The following CLASP1 variants were observed in gnomAD, a reference collection of about 807,000 sequenced individuals.
The protein encoded by CLASP1 is CLIP-associating protein 1.
In CLASP1, 38 loss-of-function variants were observed where a neutral mutation model predicts 192.3. That is an observed-to-expected ratio of 0.20 (90% CI 0.15 to 0.26). The LOEUF is 0.26. CLASP1 is among the 10% of genes least tolerant of loss of function. The probability of loss-of-function intolerance (pLI) is 1.00; values close to 1 mark genes in which losing one functional copy is unlikely to be tolerated. For missense variants in CLASP1, 1,433 were observed against 1,932.5 expected (o/e 0.74, Z 4.85); for synonymous variants, 691 against 712.8 (o/e 0.97, Z 0.49).
intron 26 of CLASP1, chr2:121,403,342 A>G (rs986603393): frequency 4.4e-6 from 2 of 453,718 alleles, no homozygotes; most frequent in African/African-American, 4.0e-5. Context: ...GCAGGTACTC[A>G]GTAAATGTTA....
At chr2:121,373,746 G>A (rs181473556) in intron 34 of CLASP1, among the ~76,000 whole-genome samples, 2 of 152,238 alleles carry the variant, frequency 1.3e-5, no homozygotes, top group African/African-American at 4.8e-5. Flanking sequence ...TTGAAGTTGA[G>A]AGAGATGATT....
intron 2 of CLASP1, among the ~76,000 whole-genome samples, chr2:121,565,573 C>A (rs2059430558): frequency 6.6e-6 from 1 of 152,242 alleles, no homozygotes; most frequent in Non-Finnish European, 1.5e-5. Flanking sequence ...CACTTTCCCA[C>A]TGAACTTGCT....
At chr2:121,590,853 T>C (rs2062304273) in intron 2 of CLASP1, among the ~76,000 whole-genome samples, 1 of 150,602 alleles carries the variant, frequency 6.6e-6, no homozygotes. Context: ...TAAATGTTCT[T>C]CAAAAATTAT....
At chr2:121,340,373 T>TA (rs1290288858) in exon 40 of CLASP1, 1 of 153,990 alleles carries the variant, frequency 6.5e-6, no homozygotes, top group Non-Finnish European at 1.4e-5. Flanking sequence ...GAACACAACT[T>TA]AAAGATATAT....
At chr2:121,361,514 T>C (rs2066404048) in intron 37 of CLASP1, among the ~76,000 whole-genome samples, 1 of 152,238 alleles carries the variant, frequency 6.6e-6, no homozygotes. Context: ...TAGGACAAGC[T>C]TGTCCAACCC....
At chr2:121,533,705 C>T (rs1019105011) in intron 2 of CLASP1, among the ~76,000 whole-genome samples, 1 of 152,176 alleles carries the variant, frequency 6.6e-6, no homozygotes, top group Non-Finnish European at 1.5e-5. Flanking sequence ...ATTAACTCTG[C>T]GTGACCCTTG....
chr2:121,649,080 A>T (rs2106403323), intron 1 of CLASP1, among the ~76,000 whole-genome samples: 1 of 152,182 alleles, frequency 6.6e-6, no homozygotes, highest in East Asian at 1.9e-4. Context: ...TGGGGTCTGG[A>T]AAAGGGAAAC....
chr2:121,393,291 A>G (rs2074692220), intron 30 of CLASP1, among the ~76,000 whole-genome samples: 1 of 152,226 alleles, frequency 6.6e-6, no homozygotes, highest in Non-Finnish European at 1.5e-5. Context: ...GGACATTCAC[A>G]GAAGAACTTG....
At chr2:121,610,557 AGAG>A (rs2065165736) in intron 1 of CLASP1, among the ~76,000 whole-genome samples, 1 of 71,772 alleles carries the variant, frequency 1.4e-5, no homozygotes, top group African/African-American at 5.4e-5. Flanking sequence ...TGGAGGAGGA[AGAG>A]GAGTTACAGG....
At chr2:121,359,637 C>A (rs1481653013) in intron 37 of CLASP1, among the ~76,000 whole-genome samples, 1 of 152,128 alleles carries the variant, frequency 6.6e-6, no homozygotes, top group African/African-American at 2.4e-5. Context: ...CTACTGCAAA[C>A]CACGGTAACT....
chr2:121,512,420 G>C (rs2094164995), intron 7 of CLASP1, among the ~76,000 whole-genome samples: 1 of 152,170 alleles, frequency 6.6e-6, no homozygotes, highest in Non-Finnish European at 1.5e-5. Flanking sequence ...TCTTATGATG[G>C]CTAGAAGTTA....
chr2:121,526,089 C>T, intron 5 of CLASP1, 169 bp from the exon 6 acceptor site: 1 of 615,328 alleles, frequency 1.6e-6, no homozygotes, highest in Non-Finnish European at 2.9e-6. Context: ...TGTCCGATGG[C>T]CCCTTTGCAC....
At chr2:121,508,065 A>T (rs2093997613) in intron 7 of CLASP1, among the ~76,000 whole-genome samples, 1 of 152,126 alleles carries the variant, frequency 6.6e-6, no homozygotes, top group Non-Finnish European at 1.5e-5. Context: ...AAAAAAAGTA[A>T]AAATAACTAC....
In CLASP1 at chr2:121,530,231, A is replaced by G. The variant is rs2094733461; in HGVS notation, c.274+16T>C. On this transcript the variant is annotated intron_variant, in intron 3 of 39. Coordinates refer to ENST00000263710, the Ensembl canonical transcript of CLASP1. Reference sequence around the variant, plus strand: ...TCTGAAGGGGCCGGGTCCGCTCCACAAGTGCCGCAGCTCACCTGTGCCGAT... The same window carrying G: ...TCTGAAGGGGCCGGGTCCGCTCCACGAGTGCCGCAGCTCACCTGTGCCGAT... 1 of 1,545,322 alleles carries G rather than the reference A, an allele frequency of 6.5e-7. No homozygotes were observed. The highest frequency in any genetic ancestry group is 2.5e-5 in the East Asian group (1 of 40,602).
intron 34 of CLASP1, among the ~76,000 whole-genome samples, chr2:121,373,223 G>GCT (rs890735887): frequency 6.6e-6 from 1 of 151,956 alleles, no homozygotes; most frequent in African/African-American, 2.4e-5. Context: ...TTCCCCCTTC[G>GCT]CTCTCTCTCT....
At chr2:121,453,580 A>G (rs1217955640) in intron 14 of CLASP1, among the ~76,000 whole-genome samples, 2 of 152,084 alleles carry the variant, frequency 1.3e-5, no homozygotes, top group African/African-American at 4.8e-5. Context: ...CCAATCCCCA[A>G]TCTAGACCAT....
At chr2:121,447,904 T>C (rs988142763) in intron 18 of CLASP1, among the ~76,000 whole-genome samples, 17 of 152,124 alleles carry the variant, frequency 1.1e-4, no homozygotes, top group African/African-American at 4.1e-4. Flanking sequence ...CATGCCACTC[T>C]CCCACCACTA....
intron 18 of CLASP1, among the ~76,000 whole-genome samples, 200 bp from the exon 19 acceptor site, chr2:121,447,707 A>T (rs2084626794): frequency 6.6e-6 from 1 of 152,250 alleles, no homozygotes; most frequent in African/African-American, 2.4e-5. Context: ...AAGTGATCTC[A>T]ATTGTAATGT....
At chr2:121,354,974 T>TCTC (rs1446930669) in intron 37 of CLASP1, among the ~76,000 whole-genome samples, 2 of 151,948 alleles carry the variant, frequency 1.3e-5, no homozygotes, top group Non-Finnish European at 2.9e-5. Context: ...CTCCTCCCCA[T>TCTC]CTCCTGCACT....
Sources: gnomAD v4.1 joint callset for allele counts (sites outside exome capture counted in the v4.1 genomes callset) on GRCh38, gnomAD v4.1.1 for gene constraint, MANE v1.5 for transcripts, NCBI Gene and HGNC (gene_info 2026-07-23, HGNC 2026-07-21) for gene names.